TMEM163: variants seen among roughly 807,000 people sequenced by gnomAD.
TMEM163 encodes the protein transmembrane protein 163.
Under a neutral mutation model 29.3 loss-of-function variants are expected in TMEM163, and 17 were observed. The observed-to-expected ratio is 0.58, with a 90% CI of 0.40 to 0.87. The LOEUF is 0.87. Ranked by LOEUF, TMEM163 falls within the 40% of genes least tolerant of loss-of-function variation. The pLI is 0.00. For synonymous variants in TMEM163, 157 were observed against 160.6 expected, an observed-to-expected ratio of 0.98 and a Z score of 0.17; for missense variants, 303 against 381.5, an observed-to-expected ratio of 0.79 and a Z score of 1.71.
chr2:134,480,263 G>T (rs1687018925), intron 5 of TMEM163, among the ~76,000 whole-genome samples: 1 of 151,982 alleles, frequency 6.6e-6, no homozygotes. Flanking sequence ...TGACTGGCAG[G>T]CTCCTACCCC....
chr2:134,471,658 G>C (rs766713674), intron 5 of TMEM163, among the ~76,000 whole-genome samples: 18 of 152,228 alleles, frequency 1.2e-4, no homozygotes, highest in Admixed American at 3.3e-4. Flanking sequence ...AGCCACAGCA[G>C]ACATGGAGAC....
chr2:134,520,978 C>T lies in TMEM163; in HGVS notation c.459-17981G>A, dbSNP rs183536643. ...GTTTTTACAAAGCTCTCCAGGTGTT[C>T]CTTATGAAGCAAGGGCCTTGGGAAC... On this transcript the variant is annotated intron_variant, in intron 4 of 7. Transcript: ENST00000281924. 1.5e-3 allele frequency among the ~76,000 whole-genome samples: 224 copies of T among 149,032 alleles called. 1 individual carries two copies. Among genetic ancestry groups the T allele is most frequent in the Middle Eastern group, 0.011 (3 of 282 alleles).
intron 2 of TMEM163, among the ~76,000 whole-genome samples, chr2:134,630,105 A>T (rs1349954440): frequency 6.6e-6 from 1 of 152,158 alleles, no homozygotes; most frequent in Non-Finnish European, 1.5e-5. Context: ...TGCCTAACTG[A>T]GTAACAATCT....
At chr2:134,679,137 T>C (rs1202873456) in intron 2 of TMEM163, among the ~76,000 whole-genome samples, 2 of 152,090 alleles carry the variant, frequency 1.3e-5, no homozygotes, top group Admixed American at 6.5e-5. Flanking sequence ...TGCTGGCTGA[T>C]AGGGACATCC....
At chr2:134,519,841 G>A (rs1680156443) in intron 4 of TMEM163, among the ~76,000 whole-genome samples, 1 of 146,824 alleles carries the variant, frequency 6.8e-6, no homozygotes, top group African/African-American at 2.5e-5. Flanking sequence ...AGTGAGCCGA[G>A]ATGGCGCCAC....
intron 1 of TMEM163, 148 bp downstream of exon 1, chr2:134,718,586 G>T: frequency 2.0e-6 from 1 of 511,108 alleles, no homozygotes. Flanking sequence ...GCCGCTCTCG[G>T]CTAGCGGCGT....
intron 2 of TMEM163, among the ~76,000 whole-genome samples, chr2:134,586,362 A>C (rs938583712): frequency 3.9e-5 from 6 of 152,204 alleles, no homozygotes; most frequent in Admixed American, 1.3e-4. Context: ...AACTGGCCCC[A>C]GCCCTCTCTC....
Position 134,689,110 on chromosome 2 carries a change from G to GTT in TMEM163, c.322+24088_322+24089dup, listed in dbSNP as rs5834423. Among the ~76,000 whole-genome samples, 271 of 130,892 alleles carry GTT rather than the reference G, an allele frequency of 2.1e-3. 3 individuals carry two copies. Among genetic ancestry groups the GTT allele is most frequent in the African/African-American group, 3.8e-3 (135 of 35,280 alleles). The allele number at this position is 130,892 out of a possible 152,430, so 85.9% of individuals were successfully genotyped here. A position where few individuals can be genotyped will look rare whatever the true frequency, so the allele number is the denominator to read the frequency against. On this transcript the variant is annotated intron_variant, in intron 2 of 7. Coordinates refer to ENST00000281924, the MANE Select transcript of TMEM163 (RefSeq NM_030923.5). ...ATGGAGTGCCTAAGTTTTTTGTTTT[G>GTT]TTTTTTTTTTTTTTTTGAGATGGAG...
At chr2:134,587,891 A>G (rs1166879433) in intron 2 of TMEM163, among the ~76,000 whole-genome samples, 3 of 152,240 alleles carry the variant, frequency 2.0e-5, no homozygotes, top group Non-Finnish European at 4.4e-5. Flanking sequence ...GAGGAAAGCA[A>G]CTTCACAGTG....
chr2:134,569,093 C>T (rs10201048), intron 2 of TMEM163, among the ~76,000 whole-genome samples: 13,917 of 152,202 alleles, frequency 0.091, 1,431 homozygotes, highest in East Asian at 0.57. Context: ...AGAACAATTT[C>T]CCAGTGATAT....
chr2:134,573,000 C>A (rs1053302021), intron 2 of TMEM163, among the ~76,000 whole-genome samples: 2 of 152,196 alleles, frequency 1.3e-5, no homozygotes, highest in African/African-American at 4.8e-5. Context: ...TCTTGCCCCA[C>A]AACCAAAGCT....
intron 2 of TMEM163, among the ~76,000 whole-genome samples, chr2:134,606,202 C>T (rs953832845): frequency 1.3e-5 from 2 of 151,996 alleles, no homozygotes; most frequent in Non-Finnish European, 2.9e-5. Context: ...CACCAAAACC[C>T]CCCTCCAGGG....
chr2:134,629,208 T>C (rs1558970114), intron 2 of TMEM163, among the ~76,000 whole-genome samples: 1 of 152,228 alleles, frequency 6.6e-6, no homozygotes, highest in Admixed American at 6.5e-5. Flanking sequence ...TCCAAGATCA[T>C]ATAGGCAGGT....
intron 2 of TMEM163, among the ~76,000 whole-genome samples, chr2:134,676,917 CAACT>C (rs1390172189): frequency 1.3e-5 from 2 of 152,164 alleles, no homozygotes; most frequent in Admixed American, 6.5e-5. Context: ...CTTGTAGAAC[CAACT>C]GATAAACCAC....
intron 2 of TMEM163, among the ~76,000 whole-genome samples, chr2:134,645,545 C>T (rs142874225): frequency 5.1e-4 from 77 of 152,334 alleles, no homozygotes; most frequent in African/African-American, 1.8e-3. Flanking sequence ...CTAGTCATAA[C>T]TGCCAAAAAC....
intron 2 of TMEM163, among the ~76,000 whole-genome samples, chr2:134,656,623 A>T (rs1683624791): frequency 6.6e-6 from 1 of 152,192 alleles, no homozygotes; most frequent in African/African-American, 2.4e-5. Flanking sequence ...AGGTCATCGA[A>T]TGCTATGTTG....
At chr2:134,604,367 C>T (rs1682303695) in intron 2 of TMEM163, among the ~76,000 whole-genome samples, 1 of 150,206 alleles carries the variant, frequency 6.7e-6, no homozygotes, top group Non-Finnish European at 1.5e-5. Flanking sequence ...AACAAAGAAA[C>T]ATGAACTAGA....
At chr2:134,584,900 G>A (rs537625295) in intron 2 of TMEM163, among the ~76,000 whole-genome samples, 1 of 152,148 alleles carries the variant, frequency 6.6e-6, no homozygotes, top group South Asian at 2.1e-4. Context: ...CAGAATCAAA[G>A]AGCTGGTAAG....
At chr2:134,571,599 T>C (rs991217818) in intron 2 of TMEM163, among the ~76,000 whole-genome samples, 4 of 152,166 alleles carry the variant, frequency 2.6e-5, no homozygotes, top group Non-Finnish European at 5.9e-5. Flanking sequence ...GGACTCAGCA[T>C]ATAGTCACAC....
Sources: allele counts gnomAD v4.1 joint callset (sites outside exome capture counted in the v4.1 genomes callset), GRCh38; gene constraint gnomAD v4.1.1; transcripts MANE v1.5; gene names NCBI Gene and HGNC (gene_info 2026-07-23, HGNC 2026-07-21).